The following MAF variants were observed in gnomAD, a reference collection of about 807,000 sequenced individuals.
MAF encodes the protein transcription factor Maf.
MAF carries 10 observed loss-of-function variants against 22.0 expected under a neutral mutation model. The ratio of observed to expected loss-of-function variants is 0.45; its 90% CI spans 0.28 to 0.77. MAF has a LOEUF of 0.77. Ranked by LOEUF, MAF falls within the 30% of genes least tolerant of loss-of-function variation. The pLI, the probability that MAF is intolerant of heterozygous loss-of-function variation, is 0.12. For missense variants in MAF, 544 were observed against 548.4 expected, an observed-to-expected ratio of 0.99 and a Z score of 0.08; for synonymous variants, 337 against 255.8, an observed-to-expected ratio of 1.32 and a Z score of -3.03.
the MAF span, among the ~76,000 whole-genome samples, chr16:79,407,995 C>A: frequency 6.9e-6 from 1 of 144,844 alleles, no homozygotes; most frequent in Non-Finnish European, 1.5e-5. Context: ...GGGAGATCGA[C>A]CCTCATGACA....
the MAF span, among the ~76,000 whole-genome samples, chr16:79,529,604 G>A: frequency 8.3e-4 from 126 of 152,298 alleles, no homozygotes; most frequent in African/African-American, 2.9e-3. Flanking sequence ...GTGTCAGCAG[G>A]TGTTTGACAT....
At chr16:79,539,864 A>C in the MAF span, among the ~76,000 whole-genome samples, 1 of 152,238 alleles carries the variant, frequency 6.6e-6, no homozygotes, top group African/African-American at 2.4e-5. Context: ...CATTGCAAAA[A>C]GATTCTCCGA....
the MAF span, among the ~76,000 whole-genome samples, chr16:79,390,845 T>G: frequency 5.9e-5 from 9 of 152,340 alleles, no homozygotes; most frequent in African/African-American, 1.4e-4. Flanking sequence ...GGGTCTTTTC[T>G]GCTAGGAAAG....
chr16:79,476,142 C>A, the MAF span, among the ~76,000 whole-genome samples: 1 of 152,162 alleles, frequency 6.6e-6, no homozygotes, highest in Admixed American at 6.5e-5. Context: ...AGAATTAAGC[C>A]TCCATGAGTT....
the MAF span, among the ~76,000 whole-genome samples, chr16:79,547,722 C>T: frequency 6.6e-6 from 1 of 152,108 alleles, no homozygotes; most frequent in Non-Finnish European, 1.5e-5. Flanking sequence ...CATAAGAATG[C>T]TTTATATATA....
chr16:79,424,564 T>A, the MAF span, among the ~76,000 whole-genome samples: 2 of 152,220 alleles, frequency 1.3e-5, no homozygotes, highest in Non-Finnish European at 2.9e-5. Context: ...TTTCTTCTGA[T>A]TTTTAAAGGA....
chr16:79,291,680 T>C, the MAF span, among the ~76,000 whole-genome samples: 4 of 151,202 alleles, frequency 2.6e-5, no homozygotes, highest in African/African-American at 7.3e-5. Context: ...CCATGAGTTA[T>C]TGGGTACCTC....
chr16:79,410,266 A>C, the MAF span, among the ~76,000 whole-genome samples: 3 of 152,162 alleles, frequency 2.0e-5, no homozygotes, highest in Non-Finnish European at 4.4e-5. Flanking sequence ...ATCTCTGTGA[A>C]TCTGTTGTGA....
the MAF span, among the ~76,000 whole-genome samples, chr16:79,506,840 C>A: frequency 6.6e-6 from 1 of 152,068 alleles, no homozygotes; most frequent in South Asian, 2.1e-4. Flanking sequence ...TCAGAAAGAG[C>A]CCCAAAGGCT....
At chr16:79,214,308 A>G in the MAF span, among the ~76,000 whole-genome samples, 1 of 152,176 alleles carries the variant, frequency 6.6e-6, no homozygotes. Context: ...TCACACAGCA[A>G]ACTTACTGAC....
the MAF span, among the ~76,000 whole-genome samples, chr16:79,323,841 T>C: frequency 1.5e-4 from 23 of 152,186 alleles, no homozygotes; most frequent in Non-Finnish European, 2.2e-4. Context: ...AGAAGTGATA[T>C]GACCTTGGGG....
chr16:79,378,209 C>G, the MAF span, among the ~76,000 whole-genome samples: 2 of 152,032 alleles, frequency 1.3e-5, no homozygotes, highest in Non-Finnish European at 2.9e-5. Flanking sequence ...TGCAGCAGTA[C>G]GGCAACTGAA....
chr16:79,318,457 A>G, the MAF span, among the ~76,000 whole-genome samples: 3 of 152,150 alleles, frequency 2.0e-5, no homozygotes, highest in Non-Finnish European at 2.9e-5. Context: ...AAATGCAAAC[A>G]TGTGACAGCC....
At chr16:79,298,186 C>A in the MAF span, among the ~76,000 whole-genome samples, 3 of 152,240 alleles carry the variant, frequency 2.0e-5, no homozygotes, top group Non-Finnish European at 4.4e-5. Context: ...ACATTCCAGC[C>A]TCTCTCTGCC....
chr16:79,438,114 T>TG, the MAF span, among the ~76,000 whole-genome samples: 33 of 151,184 alleles, frequency 2.2e-4, no homozygotes, highest in East Asian at 3.9e-4. Flanking sequence ...CCCGTGGCGT[T>TG]GGGGGGGCAG....
the MAF span, among the ~76,000 whole-genome samples, chr16:79,476,081 C>T: frequency 6.6e-6 from 1 of 152,240 alleles, no homozygotes; most frequent in Middle Eastern, 3.4e-3. Flanking sequence ...ATTTAAGCTT[C>T]CCCGAACTCT....
chr16:79,530,304 G>T, the MAF span, among the ~76,000 whole-genome samples: 1 of 152,122 alleles, frequency 6.6e-6, no homozygotes, highest in Non-Finnish European at 1.5e-5. Context: ...AAATGGGCTG[G>T]GGGGTGGACC....
At chr16:79,270,641 C>G in the MAF span, among the ~76,000 whole-genome samples, 1 of 152,158 alleles carries the variant, frequency 6.6e-6, no homozygotes, top group Non-Finnish European at 1.5e-5. Flanking sequence ...CTTTCTGGCA[C>G]AACCATCTCT....
At chr16:79,396,993 G>A in the MAF span, among the ~76,000 whole-genome samples, 2 of 152,218 alleles carry the variant, frequency 1.3e-5, no homozygotes, top group African/African-American at 2.4e-5. Context: ...CTGTGGCTAT[G>A]CACCTGCACG....
Sources: allele counts gnomAD v4.1 joint callset (sites outside exome capture counted in the v4.1 genomes callset), GRCh38; gene constraint gnomAD v4.1.1; transcripts MANE v1.5; gene names NCBI Gene and HGNC (gene_info 2026-07-23, HGNC 2026-07-21).